The following PPFIBP1 variants were observed in gnomAD, a reference collection of about 807,000 sequenced individuals.
PPFIBP1 encodes the protein PPFIB scaffold protein 1.
A neutral mutation model predicts 137.8 loss-of-function variants in PPFIBP1; 112 were observed. That is an observed-to-expected ratio of 0.81 (90% CI 0.70 to 0.95). PPFIBP1 has a LOEUF of 0.95. Among genes scored for constraint, PPFIBP1 ranks in the 40% least tolerant of loss-of-function variants. PPFIBP1 has a pLI of 0.00. For synonymous variants in PPFIBP1, 378 were observed against 417.3 expected (o/e 0.91, Z 1.15); for missense variants, 1,083 against 1,196.6 (o/e 0.91, Z 1.40).
chr12:27,616,761 G>A (rs113968795), intron 2 of PPFIBP1, among the ~76,000 whole-genome samples: 1 of 152,214 alleles, frequency 6.6e-6, no homozygotes, highest in African/African-American at 2.4e-5. Context: ...CTACAAAGGA[G>A]CTTTAGATAG....
chr12:27,587,491 C>T (rs1288553278), intron 2 of PPFIBP1, among the ~76,000 whole-genome samples: 7 of 151,396 alleles, frequency 4.6e-5, no homozygotes, highest in African/African-American at 1.7e-4. Flanking sequence ...GGCGTGGTGG[C>T]GGGCGCCTGT....
chr12:27,677,368 AG>A, intron 19 of PPFIBP1: 1 of 525,480 alleles, frequency 1.9e-6, no homozygotes, highest in Non-Finnish European at 3.4e-6. Flanking sequence ...CTCAGAGTGC[AG>A]GGCAGGAATG....
intron 1 of PPFIBP1, among the ~76,000 whole-genome samples, chr12:27,560,389 A>G (rs184439083): frequency 6.6e-6 from 1 of 152,294 alleles, no homozygotes; most frequent in African/African-American, 2.4e-5. Flanking sequence ...GGATTCTATC[A>G]GTTTGGATTT....
intron 2 of PPFIBP1, among the ~76,000 whole-genome samples, chr12:27,621,276 C>T (rs1386353843): frequency 2.0e-5 from 3 of 152,238 alleles, no homozygotes; most frequent in Non-Finnish European, 4.4e-5. Flanking sequence ...TTTATAAAAA[C>T]AGGCAGTGGG....
chr12:27,525,042 T>A (rs979114130), intron 1 of PPFIBP1, among the ~76,000 whole-genome samples: 7 of 152,130 alleles, frequency 4.6e-5, no homozygotes, highest in African/African-American at 1.7e-4. Context: ...CTGCTGAGAA[T>A]CTTCAGATCT....
rs2060761296 is a variant in PPFIBP1 at position 27,679,590 on chromosome 12, T to C, written c.1717T>C (p.Ser573Pro). The change falls in exon 20 of 30, where the codon TCT becomes CCT. Residue 573 changes from serine to proline, a missense_variant. Ser to Pro is a moderately conservative substitution (Grantham distance 74). Transcript: ENST00000228425. ...CAGTCCCTTCCAGATACCGCCTCCA[T>C]CTCCAGATTCCAAAAAGAAATCCAG... The part of the protein sequence containing the change: ...RNSPFQIPPP[S>P]PDSKKKSRGI... 6.2e-7 allele frequency: 1 copy of C among 1,613,808 alleles called. No individual in the cohort carries two copies. Among genetic ancestry groups the C allele is most frequent in the Admixed American group, 1.7e-5 (1 of 59,986 alleles).
At position 27,681,708 on chromosome 12, in the gene PPFIBP1, T is replaced by C. The variant is rs375132449; in HGVS notation, c.2046+12T>C. 1 of 1,613,548 alleles carries C rather than the reference T, an allele frequency of 6.2e-7. No homozygotes were observed. The highest frequency in any genetic ancestry group is 1.1e-5 in the South Asian group (1 of 91,018). On this transcript the variant is annotated intron_variant, in intron 22 of 29. Coordinates refer to ENST00000228425, the MANE Select transcript of PPFIBP1 (RefSeq NM_003622.4). ...AAGATCTAGAGAAGGTGACTGCTTC[T>C]CTGTTTTGTTCACACAATGGATACT...
intron 1 of PPFIBP1, among the ~76,000 whole-genome samples, chr12:27,568,103 C>T (rs572920064): frequency 6.6e-6 from 1 of 152,242 alleles, no homozygotes; most frequent in East Asian, 1.9e-4. Context: ...CATCTTTCCT[C>T]TTAAGAGACT....
chr12:27,661,484 C>T lies in PPFIBP1; in HGVS notation c.906+539C>T, dbSNP rs113068606. Among the ~76,000 whole-genome samples the T allele has an allele frequency of 1.3e-3, 191 of 152,320 alleles. 1 individual carries two copies. Among genetic ancestry groups the T allele is most frequent in the African/African-American group, 4.3e-3 (180 of 41,582 alleles). On this transcript the variant is annotated intron_variant, in intron 11 of 29. Coordinates refer to ENST00000228425, the MANE Select transcript of PPFIBP1 (RefSeq NM_003622.4). ...AAGGTTTCCACAGGTTTCCTCCCCC[C>T]CCAGTTGGTTCTTGTTATCCACATG...
chr12:27,544,020 C>T (rs563659161), intron 1 of PPFIBP1, among the ~76,000 whole-genome samples: 44 of 151,878 alleles, frequency 2.9e-4, no homozygotes, highest in Non-Finnish European at 5.7e-4. Context: ...GCTGGGATTA[C>T]AGATGCACAC....
intron 2 of PPFIBP1, among the ~76,000 whole-genome samples, chr12:27,629,740 T>C (rs1456866418): frequency 6.6e-6 from 1 of 152,188 alleles, no homozygotes; most frequent in African/African-American, 2.4e-5. Context: ...TAAAAATACG[T>C]TGACCTAGCC....
intron 2 of PPFIBP1, among the ~76,000 whole-genome samples, chr12:27,605,242 A>G (rs2054405503): frequency 6.6e-6 from 1 of 152,252 alleles, no homozygotes; most frequent in African/African-American, 2.4e-5. Flanking sequence ...TTAAAAAATT[A>G]TAAAAACAAT....
chr12:27,591,004 C>T (rs1424947231), intron 2 of PPFIBP1, among the ~76,000 whole-genome samples: 7 of 152,084 alleles, frequency 4.6e-5, no homozygotes, highest in Admixed American at 4.6e-4. Context: ...AATGTTTACC[C>T]ACTACAGAAT....
intron 9 of PPFIBP1, among the ~76,000 whole-genome samples, chr12:27,658,367 G>A (rs1366274017): frequency 6.6e-6 from 1 of 152,102 alleles, no homozygotes; most frequent in Admixed American, 6.6e-5. Flanking sequence ...TCATCTTACT[G>A]GACAGGAGAT....
At chr12:27,602,694 T>C (rs2054125536) in intron 2 of PPFIBP1, among the ~76,000 whole-genome samples, 1 of 152,226 alleles carries the variant, frequency 6.6e-6, no homozygotes, top group South Asian at 2.1e-4. Context: ...ATAAACATGG[T>C]TGACTTGGTT....
rs769257949 is a variant in PPFIBP1 at position 27,599,480 on chromosome 12, G to C, written c.-36+21241G>C. 7.2e-5 allele frequency: 33 copies of C among 455,698 alleles called. 1 individual carries two copies. Among genetic ancestry groups the C allele is most frequent in the South Asian group, 3.1e-4 (20 of 64,552 alleles). The allele number at this position is 455,698 out of a possible 1,614,324, so 28.2% of individuals were successfully genotyped here. ...GGGACTTCTCAGCCTACATAAATGC[G>C]TGAGCCAATTCCTTAAAATCTCTCT... is the stretch of plus-strand genomic sequence containing the variant. On this transcript the variant is annotated intron_variant, in intron 2 of 29. Coordinates refer to ENST00000228425, the MANE Select transcript of PPFIBP1 (RefSeq NM_003622.4).
At chr12:27,681,831 A>G (rs2060892884) in intron 22 of PPFIBP1, 135 bp downstream of exon 22, 6 of 935,262 alleles carry the variant, frequency 6.4e-6, no homozygotes, top group South Asian at 2.0e-5. Flanking sequence ...TGGGTTTTCA[A>G]TTGCTTCATG....
At chr12:27,683,387 T>C (rs2060998962) in intron 24 of PPFIBP1, among the ~76,000 whole-genome samples, 1 of 152,198 alleles carries the variant, frequency 6.6e-6, no homozygotes, top group Non-Finnish European at 1.5e-5. Context: ...TTAAATAGAA[T>C]GTAGAATTTT....
chr12:27,597,762 C>G (rs2053486004), intron 2 of PPFIBP1, among the ~76,000 whole-genome samples: 1 of 152,116 alleles, frequency 6.6e-6, no homozygotes. Flanking sequence ...CAAAGGGAGG[C>G]AGCCTCAGAG....
Sources: allele counts gnomAD v4.1 joint callset (sites outside exome capture counted in the v4.1 genomes callset), GRCh38; gene constraint gnomAD v4.1.1; transcripts MANE v1.5; gene names NCBI Gene and HGNC (gene_info 2026-07-23, HGNC 2026-07-21).